Variants in PRR16 observed in about 807,000 individuals in gnomAD.
The protein encoded by PRR16 is proline rich 16, also known as protein Largen.
Under a neutral mutation model 18.2 loss-of-function variants are expected in PRR16, and 6 were observed. The observed-to-expected ratio is 0.33, with a 90% CI of 0.18 to 0.65. PRR16 has a LOEUF of 0.65. Among genes scored for constraint, PRR16 ranks in the 30% least tolerant of loss-of-function variants. PRR16 has a pLI of 0.74. For synonymous variants in PRR16, 151 were observed against 147.8 expected, an observed-to-expected ratio of 1.02 and a Z score of -0.16; for missense variants, 412 against 376.6, an observed-to-expected ratio of 1.09 and a Z score of -0.78.
chr5:120,656,024 A>T (rs72794341), intron 1 of PRR16, among the ~76,000 whole-genome samples: 16,060 of 151,802 alleles, frequency 0.11, 1,119 homozygotes, highest in Non-Finnish European at 0.14. Flanking sequence ...AGTTGCCACC[A>T]GGTGGTGCCA....
chr5:120,756,023 C>T, the PRR16 span, among the ~76,000 whole-genome samples: 15 of 152,208 alleles, frequency 9.9e-5, no homozygotes, highest in African/African-American at 3.6e-4. Context: ...TGACCTGCAA[C>T]TAGTCTGATT....
chr5:120,539,739 G>A lies in PRR16; in HGVS notation c.159+75094G>A, dbSNP rs765595404. 1.2e-4 allele frequency among the ~76,000 whole-genome samples: 18 copies of A among 152,278 alleles called. 1 individual carries two copies. The Middle Eastern group carries it at 0.017, about 144-fold the overall frequency. On this transcript the variant is annotated intron_variant, in intron 1 of 1. Coordinates refer to ENST00000407149, the MANE Select transcript of PRR16 (RefSeq NM_001300783.2). ...GTGTAGGAAGAGCATTTTGAGTCAT[G>A]AGATTCTTGTATTATTCATTGGTTA...
the PRR16 span, among the ~76,000 whole-genome samples, chr5:120,702,666 C>A: frequency 1.3e-5 from 2 of 152,014 alleles, no homozygotes; most frequent in Non-Finnish European, 2.9e-5. Flanking sequence ...AGTTTTGGGT[C>A]CACGGATAAA....
At chr5:120,574,721 A>G (rs1256139139) in intron 1 of PRR16, among the ~76,000 whole-genome samples, 2 of 149,420 alleles carry the variant, frequency 1.3e-5, no homozygotes, top group Non-Finnish European at 2.9e-5. Flanking sequence ...TAATATTTGT[A>G]AACTAAAATT....
chr5:120,532,477 G>A (rs1751583237), intron 1 of PRR16, among the ~76,000 whole-genome samples: 1 of 151,938 alleles, frequency 6.6e-6, no homozygotes, highest in African/African-American at 2.4e-5. Flanking sequence ...CCTTTATAGA[G>A]ATAATTAAAT....
chr5:120,691,665 C>G (rs1054950588), downstream of PRR16, among the ~76,000 whole-genome samples: 1 of 152,122 alleles, frequency 6.6e-6, no homozygotes, highest in Non-Finnish European at 1.5e-5. Context: ...GCTTACAACT[C>G]TCTCTAATAA....
chr5:120,655,870 C>A (rs1019344501), intron 1 of PRR16, among the ~76,000 whole-genome samples: 24 of 151,778 alleles, frequency 1.6e-4, no homozygotes, highest in African/African-American at 5.1e-4. Context: ...TTCTTGGTAT[C>A]CATCATTCCC....
At chr5:120,489,275 G>T (rs901219709) in intron 1 of PRR16, among the ~76,000 whole-genome samples, 17 of 152,120 alleles carry the variant, frequency 1.1e-4, no homozygotes, top group African/African-American at 3.6e-4. Context: ...CATTATTATT[G>T]TGTGGGAGTC....
chr5:120,720,796 A>T, the PRR16 span, among the ~76,000 whole-genome samples: 2 of 152,084 alleles, frequency 1.3e-5, no homozygotes, highest in Non-Finnish European at 2.9e-5. Flanking sequence ...CAGTTTTATG[A>T]TGGATTTATA....
chr5:120,555,603 C>T (rs935953134), intron 1 of PRR16, among the ~76,000 whole-genome samples: 3 of 151,676 alleles, frequency 2.0e-5, no homozygotes, highest in Non-Finnish European at 4.4e-5. Flanking sequence ...AGGAGGGGGC[C>T]GTATCACATG....
chr5:120,764,303 T>A, the PRR16 span, among the ~76,000 whole-genome samples: 1 of 152,168 alleles, frequency 6.6e-6, no homozygotes, highest in African/African-American at 2.4e-5. Flanking sequence ...GTTTTCTGCA[T>A]GTATTGAGAT....
At chr5:120,628,848 T>C (rs1262540260) in intron 1 of PRR16, among the ~76,000 whole-genome samples, 1 of 152,052 alleles carries the variant, frequency 6.6e-6, no homozygotes, top group Non-Finnish European at 1.5e-5. Context: ...TAAACACATA[T>C]GTAACTCCTG....
At chr5:120,776,549 T>C in the PRR16 span, among the ~76,000 whole-genome samples, 1 of 151,910 alleles carries the variant, frequency 6.6e-6, no homozygotes, top group Non-Finnish European at 1.5e-5. Flanking sequence ...ATGACTGTTA[T>C]TAAGAGCATA....
chr5:120,549,013 G>A (rs949612188), intron 1 of PRR16, among the ~76,000 whole-genome samples: 3 of 151,458 alleles, frequency 2.0e-5, no homozygotes, highest in South Asian at 4.2e-4. Context: ...ATTTGACTTC[G>A]TTTCCTATTA....
intron 1 of PRR16, among the ~76,000 whole-genome samples, chr5:120,525,384 T>A (rs187480976): frequency 1.3e-5 from 2 of 152,208 alleles, no homozygotes; most frequent in African/African-American, 4.8e-5. Context: ...TGTAGCTTCA[T>A]TGTTGTTTCT....
intron 1 of PRR16, among the ~76,000 whole-genome samples, chr5:120,490,385 G>A (rs74850147): frequency 3.9e-4 from 59 of 151,954 alleles, no homozygotes; most frequent in African/African-American, 1.2e-3. Flanking sequence ...TTCTCTTCTC[G>A]CTTCATTTCA....
the PRR16 span, among the ~76,000 whole-genome samples, chr5:120,792,381 G>A: frequency 6.6e-6 from 1 of 151,986 alleles, no homozygotes; most frequent in Admixed American, 6.6e-5. Flanking sequence ...CTTAAGTTTT[G>A]ATTATATTTA....
chr5:120,769,626 C>T, the PRR16 span, among the ~76,000 whole-genome samples: 1 of 151,794 alleles, frequency 6.6e-6, no homozygotes, highest in African/African-American at 2.4e-5. Flanking sequence ...AGATGTTGAG[C>T]TGTTTCCACT....
At chr5:120,750,210 G>C in the PRR16 span, among the ~76,000 whole-genome samples, 83,710 of 151,796 alleles carry the variant, frequency 0.55, 23,373 homozygotes, top group East Asian at 0.79. Flanking sequence ...TTCAGCCTCA[G>C]TCATTTGATT....
Sources: allele counts gnomAD v4.1 joint callset (sites outside exome capture counted in the v4.1 genomes callset), GRCh38; gene constraint gnomAD v4.1.1; transcripts MANE v1.5; gene names NCBI Gene and HGNC (gene_info 2026-07-23, HGNC 2026-07-21).